The following COL23A1 variants were observed in gnomAD, a reference collection of about 807,000 sequenced individuals.
The protein encoded by COL23A1 is collagen alpha-1(XXIII) chain.
COL23A1 carries 97 observed loss-of-function variants against 99.3 expected under a neutral mutation model. That is an observed-to-expected ratio of 0.98 (90% CI 0.83 to 1.16). The LOEUF is 1.16. Ranked by LOEUF, COL23A1 falls within the 50% of genes most tolerant of loss-of-function variation. COL23A1 has a pLI of 0.00. For missense variants in COL23A1, 762 were observed against 757.4 expected (o/e 1.01, Z -0.07); for synonymous variants, 320 against 308.2 (o/e 1.04, Z -0.40).
chr5:178,364,914 TTTCCAG>T (rs1243416639), intron 2 of COL23A1, among the ~76,000 whole-genome samples: 1 of 152,214 alleles, frequency 6.6e-6, no homozygotes, highest in Non-Finnish European at 1.5e-5. Context: ...ACAGCCAGCA[TTTCCAG>T]TGCCTGGGGC....
chr5:178,532,351 C>G (rs1760694390), intron 2 of COL23A1, among the ~76,000 whole-genome samples: 1 of 152,146 alleles, frequency 6.6e-6, no homozygotes, highest in Admixed American at 6.5e-5. Context: ...TTTTTAGGAG[C>G]AGCCTTAAGA....
In COL23A1 at chr5:178,434,468, G is replaced by T. The variant is rs917837752; in HGVS notation, c.361+126214C>A. Among the ~76,000 whole-genome samples the T allele has an allele frequency of 2.6e-5, 4 of 152,258 alleles. No homozygotes were observed. The highest frequency in any genetic ancestry group is 9.6e-5 in the African/African-American group (4 of 41,476). ...GTGTGACAGGCATGGACTCTCACAT[G>T]TCTGAACCTCACACCTCATCTGTAA... On this transcript the variant is annotated intron_variant, in intron 2 of 28. Transcript: ENST00000390654. The surrounding 1 kb of genome is among the most constrained non-coding windows in gnomAD (Gnocchi z 4.3).
At chr5:178,442,474 G>T (rs1766927242) in intron 2 of COL23A1, among the ~76,000 whole-genome samples, 1 of 152,172 alleles carries the variant, frequency 6.6e-6, no homozygotes, top group African/African-American at 2.4e-5. Flanking sequence ...ATTTCCCAGA[G>T]TGCAAGCTTT....
At chr5:178,513,500 C>T (rs1039444452) in intron 2 of COL23A1, among the ~76,000 whole-genome samples, 4 of 152,106 alleles carry the variant, frequency 2.6e-5, no homozygotes, top group Non-Finnish European at 4.4e-5. Context: ...ACAGGTCTCA[C>T]CAGGCTAAAA....
In COL23A1 at chr5:178,285,897, C is replaced by T. The variant is rs567585912; in HGVS notation, c.441+2427G>A. 3.0e-4 allele frequency among the ~76,000 whole-genome samples: 45 copies of T among 152,356 alleles called. No homozygotes were observed. The East Asian group carries it at 6.2e-3, about 21-fold the overall frequency. On this transcript the variant is annotated intron_variant, in intron 5 of 28. Transcript: ENST00000390654. The stretch of plus-strand genomic sequence containing the variant: ...CTCAGGACTGGGCCCCAGGAGCCTG[C>T]GAAAGGTCCTCCCCTTCCTCGAATG...
At chr5:178,547,191 C>CGACAGTATCT (rs1448188702) in intron 2 of COL23A1, among the ~76,000 whole-genome samples, 1 of 151,600 alleles carries the variant, frequency 6.6e-6, no homozygotes, top group African/African-American at 2.4e-5. Context: ...GCAAGTACCC[C>CGACAGTATCT]GACAGTATCT....
intron 2 of COL23A1, among the ~76,000 whole-genome samples, chr5:178,318,307 G>A (rs562427426): frequency 2.6e-5 from 4 of 152,352 alleles, no homozygotes; most frequent in Admixed American, 2.6e-4. Context: ...TAAAGGGAGA[G>A]GTACTGACTG....
chr5:178,278,589 C>A (rs929014321), intron 5 of COL23A1, among the ~76,000 whole-genome samples: 1 of 152,262 alleles, frequency 6.6e-6, no homozygotes. Flanking sequence ...CTGCAAGCGT[C>A]AGTGAGCCCG....
rs1053783278 is a variant in COL23A1 at position 178,255,546 on chromosome 5, C to T, written c.883-520G>A. ...CTCATTGTGCACACTCACACGTGCA[C>T]GCATGGCTGCTGGCCAGCCCTTCCC... On this transcript the variant is annotated intron_variant, in intron 15 of 28. Coordinates refer to ENST00000390654, the MANE Select transcript of COL23A1 (RefSeq NM_173465.4). The surrounding 1 kb of genome is among the most constrained non-coding windows in gnomAD (Gnocchi z 4.2). 1.3e-5 allele frequency among the ~76,000 whole-genome samples: 2 copies of T among 152,134 alleles called. No individual in the cohort carries two copies. The highest frequency in any genetic ancestry group is 1.9e-4 in the East Asian group (1 of 5,182).
At chr5:178,261,234 G>A (rs1414095207) in intron 11 of COL23A1, among the ~76,000 whole-genome samples, 1 of 152,100 alleles carries the variant, frequency 6.6e-6, no homozygotes, top group Non-Finnish European at 1.5e-5. Flanking sequence ...CCAACATGGT[G>A]AAACCCCATT....
intron 2 of COL23A1, among the ~76,000 whole-genome samples, chr5:178,368,507 G>A (rs1319318503): frequency 6.6e-6 from 1 of 152,156 alleles, no homozygotes; most frequent in Non-Finnish European, 1.5e-5. Context: ...CTGTGGGTTT[G>A]GACGACTGTG....
intron 27 of COL23A1, among the ~76,000 whole-genome samples, chr5:178,241,823 CCT>C (rs1291729133): frequency 5.3e-5 from 8 of 152,234 alleles, no homozygotes; most frequent in African/African-American, 1.9e-4. Flanking sequence ...GGCTGGGTTC[CCT>C]GAGTCATGCC....
At chr5:178,457,456 C>G (rs1203901735) in intron 2 of COL23A1, among the ~76,000 whole-genome samples, 1 of 152,140 alleles carries the variant, frequency 6.6e-6, no homozygotes, top group African/African-American at 2.4e-5. Flanking sequence ...CTCAAGTGAT[C>G]CGCCCATCTC....
chr5:178,405,599 T>A (rs1005636201), intron 2 of COL23A1, among the ~76,000 whole-genome samples: 13 of 152,104 alleles, frequency 8.5e-5, no homozygotes, highest in African/African-American at 2.7e-4. Context: ...TCTGAAAGCA[T>A]CCCCATTAAA....
intron 3 of COL23A1, among the ~76,000 whole-genome samples, chr5:178,305,819 G>A (rs752063206): frequency 6.6e-6 from 1 of 152,144 alleles, no homozygotes; most frequent in Non-Finnish European, 1.5e-5. Flanking sequence ...ATGGGTCCGA[G>A]ACATGGAGAA....
chr5:178,352,067 G>T (rs1438884061), intron 2 of COL23A1: 1 of 152,232 alleles, frequency 6.6e-6, no homozygotes, highest in African/African-American at 2.4e-5. Flanking sequence ...GGATTTTGTT[G>T]TGGCAGCCCT....
chr5:178,240,111 C>G (rs964344609), intron 27 of COL23A1, among the ~76,000 whole-genome samples: 1 of 152,162 alleles, frequency 6.6e-6, no homozygotes, highest in Non-Finnish European at 1.5e-5. Flanking sequence ...CTAGCGGCAC[C>G]TGTGGTGCCC....
At chr5:178,261,041 C>A (rs772706196) in intron 11 of COL23A1, among the ~76,000 whole-genome samples, 30 of 151,850 alleles carry the variant, frequency 2.0e-4, no homozygotes, top group Non-Finnish European at 3.8e-4. Flanking sequence ...TGGGGGATGT[C>A]CACAGCGGGG....
In COL23A1 at chr5:178,392,255, G is replaced by A. The variant is rs570715454; in HGVS notation, c.362-85336C>T. ...AACTGTATAGTGAGTTATATCCTAAGATTGTTATAAAGCAAAAGCAATCTG... is the reference window on the plus strand; with the variant it reads ...AACTGTATAGTGAGTTATATCCTAAAATTGTTATAAAGCAAAAGCAATCTG... On this transcript the variant is annotated intron_variant, in intron 2 of 28. Transcript: ENST00000390654. Among the ~76,000 whole-genome samples, 156 of 151,904 alleles carry A rather than the reference G, an allele frequency of 1.0e-3. 3 individuals are homozygous for A. In the South Asian group the frequency reaches 0.031, roughly 31 times the overall value.
Sources: gnomAD v4.1 joint callset for allele counts (sites outside exome capture counted in the v4.1 genomes callset) on GRCh38, gnomAD v4.1.1 for gene constraint, Gnocchi (gnomAD v3.1) non-coding constraint, MANE v1.5 for transcripts, NCBI Gene and HGNC (gene_info 2026-07-23, HGNC 2026-07-21) for gene names.